The following CAMK2G variants were observed in gnomAD, a reference collection of about 807,000 sequenced individuals.
CAMK2G encodes calcium/calmodulin-dependent protein kinase type II subunit gamma.
In CAMK2G, 23 loss-of-function variants were observed where a neutral mutation model predicts 88.7. The observed-to-expected ratio is 0.26, with a 90% CI of 0.19 to 0.37. The LOEUF is 0.37. Ranked by LOEUF, CAMK2G falls within the 10% of genes least tolerant of loss-of-function variation. The pLI, the probability that CAMK2G is intolerant of heterozygous loss-of-function variation, is 1.00. For missense variants in CAMK2G, 476 were observed against 780.8 expected, an observed-to-expected ratio of 0.61 and a Z score of 4.65; for synonymous variants, 263 against 294.8, an observed-to-expected ratio of 0.89 and a Z score of 1.11.
chr10:73,842,683 T>A lies in CAMK2G; in HGVS notation c.820-142A>T. ...TCTGAAGATGAAATGAGGTCACAGA[T>A]GTGAAAACGCTTTTAGAATAAAAGC... On this transcript the variant is annotated intron_variant, in intron 10 of 22. Transcript: ENST00000423381. The surrounding 1 kb of genome is among the most constrained non-coding windows in gnomAD (Gnocchi z 4.6). 1 of 626,180 alleles carries A rather than the reference T, an allele frequency of 1.6e-6. No individual in the cohort carries two copies. The highest frequency in any genetic ancestry group is 2.8e-6 in the Non-Finnish European group (1 of 351,086). The allele number at this position is 626,180 out of a possible 1,614,324, so 38.8% of individuals were successfully genotyped here.
At chr10:73,841,653 A>C (rs1172274370) in intron 12 of CAMK2G, among the ~76,000 whole-genome samples, 1 of 152,182 alleles carries the variant, frequency 6.6e-6, no homozygotes, top group Non-Finnish European at 1.5e-5. Context: ...TATAGCTAGT[A>C]TCTCAGGGAC....
At position 73,848,361 on chromosome 10, in the gene CAMK2G, G is replaced by A. The variant is rs1258156982; in HGVS notation, c.601+165C>T. On this transcript the variant is annotated intron_variant, in intron 8 of 22. Transcript: ENST00000423381. The surrounding 1 kb of genome is among the most constrained non-coding windows in gnomAD (Gnocchi z 4.5). ...TACAATGTCATCCCAGAAGTACGCA[G>A]GGAGGAGGGTGTGATGGGAACAGCC... Among the ~76,000 whole-genome samples, 1 of 152,270 alleles carries A rather than the reference G, an allele frequency of 6.6e-6. No individual in the cohort carries two copies. The highest frequency in any genetic ancestry group is 1.5e-5 in the Non-Finnish European group (1 of 68,046).
rs1396549173 is a variant in CAMK2G at position 73,848,497 on chromosome 10, G to C, written c.601+29C>G. 2.0e-6 allele frequency: 3 copies of C among 1,514,234 alleles called. No individual in the cohort carries two copies. Among genetic ancestry groups the C allele is most frequent in the Non-Finnish European group, 2.7e-6 (3 of 1,090,950 alleles). The allele number at this position is 1,514,234 out of a possible 1,614,324, so 93.8% of individuals were successfully genotyped here. ...TCGGAAGTTGAGGGCCCTTAACAGC[G>C]AAAAGCTGAGAGCGTGGAATGGGCT... On this transcript the variant is annotated intron_variant, in intron 8 of 22. Coordinates refer to ENST00000423381, the MANE Select transcript of CAMK2G (RefSeq NM_001367534.1). The surrounding 1 kb of genome is among the most constrained non-coding windows in gnomAD (Gnocchi z 4.5).
intron 2 of CAMK2G, among the ~76,000 whole-genome samples, chr10:73,865,461 C>T (rs1372595843): frequency 6.6e-6 from 1 of 152,218 alleles, no homozygotes; most frequent in Non-Finnish European, 1.5e-5. Flanking sequence ...CCACATACTG[C>T]CCGGCCACCA....
intron 10 of CAMK2G, among the ~76,000 whole-genome samples, chr10:73,845,823 C>T (rs2094196175): frequency 6.6e-6 from 1 of 152,002 alleles, no homozygotes; most frequent in Admixed American, 6.6e-5. Context: ...CCTGGTCTTG[C>T]TTAGACTATT....
At chr10:73,817,681 G>T (rs970556184) in intron 19 of CAMK2G, 127 bp from the exon 20 acceptor site, 4 of 689,964 alleles carry the variant, frequency 5.8e-6, no homozygotes, top group Non-Finnish European at 5.3e-6. Flanking sequence ...TCTGTCTCTA[G>T]GGCCCTTGGC....
At chr10:73,820,478 A>ATT in intron 18 of CAMK2G, among the ~76,000 whole-genome samples, 1 of 30,724 alleles carries the variant, frequency 3.3e-5, no homozygotes, top group Admixed American at 2.5e-4. Context: ...ATATATATAT[A>ATT]TATATATATA....
chr10:73,836,097 G>A (rs1222623785), intron 14 of CAMK2G, among the ~76,000 whole-genome samples: 3 of 151,888 alleles, frequency 2.0e-5, no homozygotes, highest in African/African-American at 4.8e-5. Flanking sequence ...GCCTCCCAAA[G>A]TGCTGGGATT....
chr10:73,818,507 C>T (rs1273047979), intron 19 of CAMK2G: 3 of 362,198 alleles, frequency 8.3e-6, no homozygotes, highest in Non-Finnish European at 1.6e-5. Context: ...ACCCTTTCCT[C>T]ACAGGAGCAA....
intron 3 of CAMK2G, among the ~76,000 whole-genome samples, chr10:73,858,633 A>G (rs1250616597): frequency 1.3e-5 from 2 of 152,228 alleles, no homozygotes; most frequent in Non-Finnish European, 1.5e-5. Context: ...CTAGGAAATC[A>G]GAGGCCAAAA....
chr10:73,851,576 A>G (rs530891271), intron 5 of CAMK2G, among the ~76,000 whole-genome samples: 19 of 152,264 alleles, frequency 1.2e-4, no homozygotes, highest in African/African-American at 1.2e-4. Flanking sequence ...CCAGAGCCTC[A>G]GCACAGTGGC....
chr10:73,822,796 T>C (rs1428197675), intron 17 of CAMK2G, among the ~76,000 whole-genome samples: 1 of 152,164 alleles, frequency 6.6e-6, no homozygotes, highest in Admixed American at 6.5e-5. Flanking sequence ...TATCACCTCC[T>C]GAAAGAAGCC....
At chr10:73,819,466 G>T in intron 19 of CAMK2G, 66 bp downstream of exon 19, 1 of 1,117,266 alleles carries the variant, frequency 9.0e-7, no homozygotes. Context: ...CTGTGGTGGG[G>T]GTCCCTGAGG....
intron 15 of CAMK2G, among the ~76,000 whole-genome samples, chr10:73,827,848 G>A (rs2091464515): frequency 6.6e-6 from 1 of 152,168 alleles, no homozygotes; most frequent in African/African-American, 2.4e-5. Context: ...TGGGTCGCTG[G>A]GGTCTGTCCA....
chr10:73,847,675 G>A (rs908646195), intron 9 of CAMK2G, among the ~76,000 whole-genome samples: 1 of 152,192 alleles, frequency 6.6e-6, no homozygotes, highest in African/African-American at 2.4e-5. Flanking sequence ...TGCAGTGGAG[G>A]GAGTCTCCAG....
chr10:73,814,995 A>T lies in CAMK2G; in HGVS notation c.*12+8T>A. On this transcript the variant is annotated splice_region_variant and intron_variant, in intron 22 of 22. Transcript: ENST00000423381. ...TTCCAGCCCCTCTCCCCCGTCAACC[A>T]GGTGCACCTGTGGCTGAGCTCACTG... is the stretch of plus-strand genomic sequence containing the variant. 1 of 1,579,804 alleles carries T rather than the reference A, an allele frequency of 6.3e-7. No individual in the cohort carries two copies. The highest frequency in any genetic ancestry group is 8.7e-7 in the Non-Finnish European group (1 of 1,151,150).
intron 21 of CAMK2G, 26 bp from the exon 22 acceptor site, chr10:73,815,273 G>A: frequency 6.7e-7 from 1 of 1,498,726 alleles, no homozygotes; most frequent in Non-Finnish European, 9.3e-7. Context: ...GGGTAGGTAA[G>A]AGGACATCAG....
chr10:73,846,316 T>C (rs2094238311), intron 10 of CAMK2G: 1 of 152,216 alleles, frequency 6.6e-6, no homozygotes, highest in African/African-American at 2.4e-5. Flanking sequence ...CCTCTCACTG[T>C]GCTAAACTCT....
chr10:73,852,372 C>T, intron 4 of CAMK2G, 53 bp from the exon 5 acceptor site: 2 of 1,440,746 alleles, frequency 1.4e-6, no homozygotes, highest in Non-Finnish European at 9.8e-7. Flanking sequence ...CTTTGTCCAA[C>T]CCCAATGTCC....
Sources: allele counts gnomAD v4.1 joint callset (sites outside exome capture counted in the v4.1 genomes callset), GRCh38; gene constraint gnomAD v4.1.1; non-coding constraint Gnocchi (gnomAD v3.1); transcripts MANE v1.5; gene names NCBI Gene and HGNC (gene_info 2026-07-23, HGNC 2026-07-21).